Variants in NEBL observed in about 807,000 individuals in gnomAD.
The protein encoded by NEBL is LIM and SH3 protein 2.
NEBL carries 122 observed loss-of-function variants against 140.2 expected under a neutral mutation model. That is an observed-to-expected ratio of 0.87 (90% CI 0.75 to 1.01). NEBL has a LOEUF of 1.01. NEBL is among the 50% of genes least tolerant of loss of function. NEBL has a pLI of 0.00. For synonymous variants in NEBL, 436 were observed against 398.9 expected (o/e 1.09, Z -1.11); for missense variants, 1,365 against 1,231.3 (o/e 1.11, Z -1.62).
intron 5 of NEBL, among the ~76,000 whole-genome samples, chr10:20,879,251 C>T (rs879919772): frequency 2.0e-5 from 3 of 152,180 alleles, no homozygotes; most frequent in Non-Finnish European, 4.4e-5. Context: ...TTTTCCTCAT[C>T]TACAAAATAA....
In NEBL at chr10:21,231,219, G is replaced by C. The variant is rs1589339358; in HGVS notation, n.348+16702C>G. On this transcript the variant is annotated intron_variant and non_coding_transcript_variant, in intron 3 of 8. Coordinates refer to the NEBL transcript ENST00000675702. ...CCTTTATGGAACTTACATTCCAGTG[G>C]AGGAGACAAGCAAACATGTGCTGTG... 2.6e-5 allele frequency among the ~76,000 whole-genome samples: 4 copies of C among 152,306 alleles called. No homozygotes were observed. The Middle Eastern group carries it at 0.014, about 518-fold the overall frequency.
chr10:21,049,223 G>C (rs891078303), intron 2 of NEBL, among the ~76,000 whole-genome samples: 2 of 152,084 alleles, frequency 1.3e-5, no homozygotes, highest in Non-Finnish European at 1.5e-5. Flanking sequence ...TTGACCAAAG[G>C]CTGGGTACCA....
rs563954202 is a variant in NEBL at position 20,915,524 on chromosome 10, C to T, written c.357+46148G>A. ...CATGGTGTTTGGTTTTTTGTTCTTG[C>T]GATAGTTTACTGAGAATGATGATTT... is the stretch of plus-strand genomic sequence containing the variant. On this transcript the variant is annotated intron_variant, in intron 4 of 6. Coordinates refer to the NEBL transcript ENST00000417816. Among the ~76,000 whole-genome samples, 258 of 150,736 alleles carry T rather than the reference C, an allele frequency of 1.7e-3. 2 individuals are homozygous for T. The highest frequency in any genetic ancestry group is 5.7e-3 in the African/African-American group (235 of 41,058).
chr10:20,940,243 C>T (rs1165768845), intron 4 of NEBL, among the ~76,000 whole-genome samples: 1 of 151,912 alleles, frequency 6.6e-6, no homozygotes, highest in Non-Finnish European at 1.5e-5. Flanking sequence ...ATCTCTCAGA[C>T]CACAGTGCAA....
rs897596980 is a variant in NEBL, at chr10:21,112,784, C to A, written c.164+59599G>T. ...AAGAAAAAAATTGAAAATGTCTGTACAGCCAGTGATTTCCCTTGGGGGCTT... is the reference window on the plus strand; with the variant it reads ...AAGAAAAAAATTGAAAATGTCTGTAAAGCCAGTGATTTCCCTTGGGGGCTT... On this transcript the variant is annotated intron_variant, in intron 2 of 6. Coordinates refer to the NEBL transcript ENST00000417816. 7 of 178,420 alleles carry A rather than the reference C, an allele frequency of 3.9e-5. No homozygotes were observed. In the Admixed American group the frequency reaches 3.9e-4, roughly 10 times the overall value. The allele number at this position is 178,420 out of a possible 1,614,324, so 11.1% of individuals were successfully genotyped here. A position where few individuals can be genotyped will look rare whatever the true frequency, so the allele number is the denominator to read the frequency against.
At chr10:21,245,287 G>C (rs1171583957) in intron 3 of NEBL, among the ~76,000 whole-genome samples, 1 of 152,232 alleles carries the variant, frequency 6.6e-6, no homozygotes, top group African/African-American at 2.4e-5. Flanking sequence ...GAAACAGTGA[G>C]TTTGACCAAT....
At chr10:20,934,567 C>T (rs1834375928) in intron 4 of NEBL, among the ~76,000 whole-genome samples, 1 of 152,172 alleles carries the variant, frequency 6.6e-6, no homozygotes, top group Non-Finnish European at 1.5e-5. Flanking sequence ...TGGGCCCGCT[C>T]TTTGCCTGAC....
intron 4 of NEBL, among the ~76,000 whole-genome samples, chr10:20,943,990 C>G (rs893333067): frequency 6.6e-6 from 1 of 152,180 alleles, no homozygotes; most frequent in Non-Finnish European, 1.5e-5. Flanking sequence ...GTTTAATGAA[C>G]AAGAGGCGGT....
chr10:21,170,330 C>G (rs1841018099), intron 2 of NEBL: 4 of 152,218 alleles, frequency 2.6e-5, no homozygotes, highest in Admixed American at 2.6e-4. Context: ...ATTCCTGGCC[C>G]TGCCCTGTAA....
In NEBL at chr10:20,831,458, T is replaced by A. The variant is rs190353004; in HGVS notation, c.1560+15A>T. On this transcript the variant is annotated intron_variant, in intron 15 of 27. Coordinates refer to ENST00000377122, the MANE Select transcript of NEBL (RefSeq NM_006393.3). ...CGGCATTTATTTTAAACTTTGTATC[T>A]TGCTGCTGTCTTACCTGGCTGGCCA... is the stretch of plus-strand genomic sequence containing the variant. 20 of 1,581,532 alleles carry A rather than the reference T, an allele frequency of 1.3e-5. No homozygotes were observed. In the Admixed American group the frequency reaches 3.0e-4, roughly 24 times the overall value.
chr10:20,854,267 C>T (rs1434843125), intron 9 of NEBL, among the ~76,000 whole-genome samples: 2 of 151,938 alleles, frequency 1.3e-5, no homozygotes, highest in African/African-American at 4.8e-5. Context: ...TGAAAGGGAG[C>T]GGGAAAGAGC....
In NEBL at chr10:20,894,103, T is replaced by C. The variant is rs185722245; in HGVS notation, c.153+2855A>G. On this transcript the variant is annotated intron_variant, in intron 2 of 27. Coordinates refer to ENST00000377122, the MANE Select transcript of NEBL (RefSeq NM_006393.3). ...TTGGTTATTAAGGATATATGAAAGC[T>C]GGAAGAAGTCCAAAGAGTAACAATT... 4.3e-3 allele frequency among the ~76,000 whole-genome samples: 650 copies of C among 152,300 alleles called. 8 individuals are homozygous for C. The highest frequency in any genetic ancestry group is 1.4e-3 in the Non-Finnish European group (98 of 68,030).
intron 3 of NEBL, among the ~76,000 whole-genome samples, chr10:20,981,066 A>G (rs564161417): frequency 5.9e-5 from 9 of 152,250 alleles, no homozygotes; most frequent in African/African-American, 2.2e-4. Flanking sequence ...CAGTGATTAT[A>G]GGCATAAGCC....
chr10:20,956,311 G>T (rs1485313493), intron 4 of NEBL, among the ~76,000 whole-genome samples: 1 of 152,164 alleles, frequency 6.6e-6, no homozygotes, highest in Non-Finnish European at 1.5e-5. Flanking sequence ...CAAAATAAAT[G>T]AGGTATTCAT....
intron 2 of NEBL, among the ~76,000 whole-genome samples, chr10:21,104,617 A>G (rs1837626563): frequency 6.6e-6 from 1 of 151,388 alleles, no homozygotes; most frequent in Non-Finnish European, 1.5e-5. Context: ...AGTTCAGTTG[A>G]TTTTTTTTTC....
Position 21,243,742 on chromosome 10 carries a change from C to T in NEBL, n.348+4179G>A, listed in dbSNP as rs137941813. Among the ~76,000 whole-genome samples, 841 of 152,318 alleles carry T rather than the reference C, an allele frequency of 5.5e-3. 7 individuals carry two copies. Among genetic ancestry groups the T allele is most frequent in the African/African-American group, 0.018 (731 of 41,566 alleles). On this transcript the variant is annotated intron_variant and non_coding_transcript_variant, in intron 3 of 8. Coordinates refer to the NEBL transcript ENST00000675702. ...TTGAACATTTGCAAATTTCAACCTG[C>T]GCTTCCTTTCCGCATTCTCCCCACA...
At chr10:21,270,576 C>G (rs1842849971) in intron 1 of NEBL, among the ~76,000 whole-genome samples, 1 of 152,110 alleles carries the variant, frequency 6.6e-6, no homozygotes, top group Admixed American at 6.6e-5. Context: ...CCATGTTGGC[C>G]AGGCTGGTCT....
intron 9 of NEBL, among the ~76,000 whole-genome samples, chr10:20,855,831 T>C (rs944535519): frequency 2.0e-5 from 3 of 152,206 alleles, no homozygotes; most frequent in African/African-American, 7.2e-5. Context: ...TAAAGACATC[T>C]AGGGGTCTTT....
chr10:21,084,992 G>C (rs989159526), intron 2 of NEBL, among the ~76,000 whole-genome samples: 1 of 152,108 alleles, frequency 6.6e-6, no homozygotes, highest in African/African-American at 2.4e-5. Flanking sequence ...AATGTGAAAG[G>C]GTTATGCCAA....
Sources: allele counts gnomAD v4.1 joint callset (sites outside exome capture counted in the v4.1 genomes callset), GRCh38; gene constraint gnomAD v4.1.1; transcripts MANE v1.5; gene names NCBI Gene and HGNC (gene_info 2026-07-23, HGNC 2026-07-21).